The following KCNIP4 variants were observed in gnomAD, a reference collection of about 807,000 sequenced individuals.
KCNIP4 encodes the protein Kv channel-interacting protein 4.
In KCNIP4, 12 loss-of-function variants were observed where a neutral mutation model predicts 34.0. The observed-to-expected ratio is 0.35, with a 90% CI of 0.23 to 0.57. The LOEUF is 0.57. Ranked by LOEUF, KCNIP4 falls within the 20% of genes least tolerant of loss-of-function variation. The probability of loss-of-function intolerance (pLI) is 0.83; values close to 1 mark genes in which losing one functional copy is unlikely to be tolerated. For missense variants in KCNIP4, 238 were observed against 311.7 expected (o/e 0.76, Z 1.78); for synonymous variants, 124 against 102.2 (o/e 1.21, Z -1.29).
intron 1 of KCNIP4, among the ~76,000 whole-genome samples, chr4:21,087,398 A>G (rs1245960651): frequency 2.0e-5 from 3 of 151,894 alleles, no homozygotes. Context: ...GGATAGTCTC[A>G]ATCTTCCTGA....
At chr4:20,796,893 T>G (rs1713549121) in intron 3 of KCNIP4, among the ~76,000 whole-genome samples, 1 of 152,226 alleles carries the variant, frequency 6.6e-6, no homozygotes, top group Non-Finnish European at 1.5e-5. Flanking sequence ...CAGCACTCAG[T>G]GCAGATCAAA....
intron 1 of KCNIP4, among the ~76,000 whole-genome samples, chr4:21,482,569 G>A (rs1304432383): frequency 6.6e-6 from 1 of 152,044 alleles, no homozygotes. Flanking sequence ...CTTCACTTAT[G>A]AAGTTTAGTT....
chr4:21,171,855 T>G (rs971295423), intron 1 of KCNIP4, among the ~76,000 whole-genome samples: 3 of 152,072 alleles, frequency 2.0e-5, no homozygotes, highest in Middle Eastern at 3.4e-3. Flanking sequence ...ACACAAGGAG[T>G]CAGCTGACAT....
intron 1 of KCNIP4, among the ~76,000 whole-genome samples, chr4:21,710,233 G>C (rs1445050986): frequency 6.6e-6 from 1 of 152,152 alleles, no homozygotes; most frequent in Non-Finnish European, 1.5e-5. Context: ...TGTGCCTTTT[G>C]AATGTCCTTG....
chr4:21,267,583 C>T (rs1470601235), intron 1 of KCNIP4, among the ~76,000 whole-genome samples: 19 of 148,770 alleles, frequency 1.3e-4, no homozygotes, highest in Admixed American at 8.7e-4. Context: ...TGTCAAAGGC[C>T]TTTTCTGCAT....
intron 1 of KCNIP4, among the ~76,000 whole-genome samples, chr4:21,229,438 T>C (rs772154824): frequency 4.6e-5 from 7 of 152,210 alleles, no homozygotes; most frequent in Non-Finnish European, 1.0e-4. Flanking sequence ...ATGCATTACT[T>C]ACTCTCTGTA....
intron 1 of KCNIP4, among the ~76,000 whole-genome samples, chr4:21,688,485 T>G (rs1430691690): frequency 6.6e-6 from 1 of 152,196 alleles, no homozygotes; most frequent in Non-Finnish European, 1.5e-5. Flanking sequence ...CCTGAATCTG[T>G]TCAATATACA....
chr4:21,460,844 G>A (rs181322370), intron 1 of KCNIP4, among the ~76,000 whole-genome samples: 4 of 152,176 alleles, frequency 2.6e-5, no homozygotes, highest in Non-Finnish European at 5.9e-5. Context: ...TTTGACCACT[G>A]GGTTGTCAGG....
intron 1 of KCNIP4, among the ~76,000 whole-genome samples, chr4:21,641,126 T>C (rs1231249796): frequency 6.6e-6 from 1 of 152,228 alleles, no homozygotes; most frequent in Non-Finnish European, 1.5e-5. Context: ...CATTCCTTCA[T>C]CAAACCAAGA....
chr4:21,051,760 G>A (rs1398613552), intron 1 of KCNIP4, among the ~76,000 whole-genome samples: 1 of 152,106 alleles, frequency 6.6e-6, no homozygotes. Context: ...AAGATACTTG[G>A]AAGAGGCAAG....
At chr4:21,459,537 A>G (rs1383763900) in intron 1 of KCNIP4, among the ~76,000 whole-genome samples, 1 of 151,848 alleles carries the variant, frequency 6.6e-6, no homozygotes, top group African/African-American at 2.4e-5. Flanking sequence ...ACAGCTCCCA[A>G]AAGTATAGCT....
intron 1 of KCNIP4, among the ~76,000 whole-genome samples, chr4:20,903,713 C>T (rs1036552410): frequency 6.6e-6 from 1 of 152,118 alleles, no homozygotes; most frequent in African/African-American, 2.4e-5. Context: ...TCACCTTGGG[C>T]ACATGTTCTC....
intron 1 of KCNIP4, among the ~76,000 whole-genome samples, chr4:20,929,992 A>T (rs1339078825): frequency 6.6e-6 from 1 of 152,042 alleles, no homozygotes; most frequent in African/African-American, 2.4e-5. Flanking sequence ...AATTTCAAGG[A>T]TATGCATCAC....
chr4:21,398,120 G>C (rs1238650058), intron 1 of KCNIP4, among the ~76,000 whole-genome samples: 1 of 152,124 alleles, frequency 6.6e-6, no homozygotes, highest in African/African-American at 2.4e-5. Context: ...TTGTTTTTTG[G>C]TCAAGGTTAA....
intron 1 of KCNIP4, among the ~76,000 whole-genome samples, chr4:21,468,353 G>T (rs1358710083): frequency 6.6e-6 from 1 of 152,098 alleles, no homozygotes; most frequent in Non-Finnish European, 1.5e-5. Flanking sequence ...GCAAGTAAGG[G>T]AACCCCTACT....
At position 21,084,171 on chromosome 4, in the gene KCNIP4, G is replaced by A. The variant is rs151211644; in HGVS notation, c.62-201462C>T. ...AATTCTTGCTTTGAATGTCAGTGGC[G>A]TGCTAACACCTGCTCTCACATGTAT... On this transcript the variant is annotated intron_variant, in intron 1 of 8. Transcript: ENST00000382152. Among the ~76,000 whole-genome samples, 684 of 151,850 alleles carry A rather than the reference G, an allele frequency of 4.5e-3. 21 individuals carry two copies. The highest frequency in any genetic ancestry group is 0.015 in the African/African-American group (626 of 41,218).
At chr4:21,523,900 G>A (rs16871316) in intron 1 of KCNIP4, among the ~76,000 whole-genome samples, 4,492 of 152,054 alleles carry the variant, frequency 0.03, 225 homozygotes, top group East Asian at 0.22. Flanking sequence ...CCTTTACATG[G>A]AGGCTTTGAA....
At chr4:20,941,082 G>C (rs1275610083) in intron 1 of KCNIP4, among the ~76,000 whole-genome samples, 1 of 152,142 alleles carries the variant, frequency 6.6e-6, no homozygotes, top group African/African-American at 2.4e-5. Flanking sequence ...ACAATAATTT[G>C]AATTCCCCTT....
chr4:21,261,948 A>G (rs944316204), intron 1 of KCNIP4, among the ~76,000 whole-genome samples: 2 of 152,166 alleles, frequency 1.3e-5, no homozygotes, highest in African/African-American at 4.8e-5. Flanking sequence ...GAAATTTTCA[A>G]ATAGCAACTG....
Sources: gnomAD v4.1 joint callset for allele counts (sites outside exome capture counted in the v4.1 genomes callset) on GRCh38, gnomAD v4.1.1 for gene constraint, MANE v1.5 for transcripts, NCBI Gene and HGNC (gene_info 2026-07-23, HGNC 2026-07-21) for gene names.